Variants in DENND6B observed in about 807,000 individuals in gnomAD.
The protein encoded by DENND6B is protein DENND6B.
DENND6B carries 73 observed loss-of-function variants against 85.1 expected under a neutral mutation model. The ratio of observed to expected loss-of-function variants is 0.86; its 90% CI spans 0.71 to 1.04. The LOEUF is 1.04. Among genes scored for constraint, DENND6B ranks in the 50% least tolerant of loss-of-function variants. The probability of loss-of-function intolerance (pLI) is 0.00; values close to 1 mark genes in which losing one functional copy is unlikely to be tolerated. For synonymous variants in DENND6B, 357 were observed against 329.3 expected (o/e 1.08, Z -0.91); for missense variants, 715 against 785.8 (o/e 0.91, Z 1.08).
chr22:50,311,881 G>A lies in DENND6B; in HGVS notation c.*258C>T, dbSNP rs961421646. On this transcript the variant is annotated 3_prime_UTR_variant, in exon 20 of 20. Transcript: ENST00000413817. ...CCAGCCTGTCCCCGCCCCCGTCCCAGCCTAAGGTCTGCAGAGGCCAGGTGG... is the reference window on the plus strand; with the variant it reads ...CCAGCCTGTCCCCGCCCCCGTCCCAACCTAAGGTCTGCAGAGGCCAGGTGG... 5 of 566,398 alleles carry A rather than the reference G, an allele frequency of 8.8e-6. No individual in the cohort carries two copies. The highest frequency in any genetic ancestry group is 1.5e-5 in the Non-Finnish European group (5 of 329,738). 35.1% of individuals were successfully genotyped at this position (566,398 alleles called of 1,614,324 possible). A position where few individuals can be genotyped will look rare whatever the true frequency, so the allele number is the denominator to read the frequency against.
Position 50,312,102 on chromosome 22 carries a change from G to C in DENND6B, c.*37C>G. ...CACTGGGGAGTGGGAGGCTCAGGCA[G>C]ACCTAGGGCCCTGGGACCGTGGCCC... is the stretch of plus-strand genomic sequence containing the variant. On this transcript the variant is annotated 3_prime_UTR_variant, in exon 20 of 20. Coordinates refer to ENST00000413817, the MANE Select transcript of DENND6B (RefSeq NM_001001794.4). The C allele has an allele frequency of 6.2e-7, 1 of 1,606,432 alleles. No individual in the cohort carries two copies. The highest frequency in any genetic ancestry group is 8.5e-7 in the Non-Finnish European group (1 of 1,176,570).
intron 9 of DENND6B, chr22:50,315,144 T>G: frequency 3.1e-6 from 2 of 653,914 alleles, no homozygotes; most frequent in South Asian, 3.9e-5. Context: ...AATGGGGGAC[T>G]CAACCTGGAC....
intron 1 of DENND6B, among the ~76,000 whole-genome samples, chr22:50,325,615 A>T (rs548006866): frequency 2.6e-4 from 39 of 152,248 alleles, no homozygotes; most frequent in Admixed American, 5.9e-4. Flanking sequence ...GATTACAGGC[A>T]TGAGTCACCG....
Position 50,314,450 on chromosome 22 carries a change from G to A in DENND6B, c.1022C>T (p.Thr341Ile), listed in dbSNP as rs889561245. ...GAGGATGTGGGGCCAGTGCTGGAGT[G>A]TTTTGATAAAGAAAGGGTTTGTGAC... is the stretch of plus-strand genomic sequence containing the variant. ...LGVTNPFFIK[T>I]LQHWPHILRV... is the part of the protein sequence containing the mutation. The change falls in exon 12 of 20, where the codon ACA (threonine) becomes ATA (isoleucine). Residue 341 changes from threonine to isoleucine, a missense_variant. Physicochemically the swap from Thr to Ile is moderately conservative, Grantham distance 89. Coordinates refer to ENST00000413817, the MANE Select transcript of DENND6B (RefSeq NM_001001794.4). The A allele has an allele frequency of 1.9e-6, 3 of 1,565,114 alleles. No individual in the cohort carries two copies. The highest frequency in any genetic ancestry group is 1.7e-4 in the Middle Eastern group (1 of 6,030).
At position 50,313,722 on chromosome 22, in the gene DENND6B, G is replaced by A. The variant is rs1456442163; in HGVS notation, c.1206C>T (p.Gly402=). ...DKALLKRLLK[G]VQKKRPSDVQ... is the part of the protein sequence containing the mutation. The stretch of plus-strand genomic sequence containing the variant: ...CATCTGACGGCCGCTTCTTCTGCAC[G>A]CCCTGCAGGGGAGAGAGGGCCAGGC... The change falls in exon 15 of 20, where the codon GGC becomes GGT. Residue 402 remains glycine, a splice_region_variant and synonymous_variant. Transcript: ENST00000413817. 1.9e-6 allele frequency: 3 copies of A among 1,602,804 alleles called. No individual in the cohort carries two copies. The highest frequency in any genetic ancestry group is 2.7e-5 in the African/African-American group (2 of 74,630).
At chr22:50,313,531 G>T in intron 15 of DENND6B, 32 bp from the exon 16 acceptor site, 2 of 1,537,720 alleles carry the variant, frequency 1.3e-6, no homozygotes, top group Non-Finnish European at 8.8e-7. Flanking sequence ...GTGAGCCCGG[G>T]GACCCATGCC....
In DENND6B at chr22:50,312,128, T is replaced by C. The variant is rs201529369; in HGVS notation, c.*11A>G. 1.9e-4 allele frequency: 300 copies of C among 1,611,676 alleles called. No homozygotes were observed. The highest frequency in any genetic ancestry group is 6.7e-4 in the Middle Eastern group (4 of 5,938). The stretch of plus-strand genomic sequence containing the variant: ...ACCTAGGGCCCTGGGACCGTGGCCC[T>C]TGGCTTTGTTCTAGGGAGGGCACAA... On this transcript the variant is annotated 3_prime_UTR_variant, in exon 20 of 20. Coordinates refer to ENST00000413817, the MANE Select transcript of DENND6B (RefSeq NM_001001794.4).
rs772127145 is a variant in DENND6B, at chr22:50,313,098, T to TG, written c.1357dup (p.Gln453ProfsTer9). On this transcript the variant is annotated frameshift_variant, in exon 17 of 20. Coordinates refer to ENST00000413817, the MANE Select transcript of DENND6B (RefSeq NM_001001794.4). LOFTEE classifies it high-confidence loss of function. Reference sequence around the variant, plus strand: ...GTCATCCTGGCTGAAGGGCTGGATCTGGGGGGGAGTCTGAGAGGGGATGGG... The same window carrying TG: ...GTCATCCTGGCTGAAGGGCTGGATCTGGGGGGGGAGTCTGAGAGGGGATGGG... 10 of 1,553,466 alleles carry TG rather than the reference T, an allele frequency of 6.4e-6. No individual in the cohort carries two copies. The highest frequency in any genetic ancestry group is 1.4e-5 in the African/African-American group (1 of 73,130).
At position 50,311,771 on chromosome 22, in the gene DENND6B, T is replaced by A. The variant is rs554763541; in HGVS notation, c.*368A>T. On this transcript the variant is annotated 3_prime_UTR_variant, in exon 20 of 20. Transcript: ENST00000413817. ...GCAGCCTGTTGGGCTGAGGGAAGCATCACACACAGCGCAGGGGGGTCGGGG... is the reference window on the plus strand; with the variant it reads ...GCAGCCTGTTGGGCTGAGGGAAGCAACACACACAGCGCAGGGGGGTCGGGG... 5 of 273,500 alleles carry A rather than the reference T, an allele frequency of 1.8e-5. No homozygotes were observed. The East Asian group carries it at 4.4e-4, about 24-fold the overall frequency. The allele number at this position is 273,500 out of a possible 1,614,324, so 16.9% of individuals were successfully genotyped here. A position where few individuals can be genotyped will look rare whatever the true frequency, so the allele number is the denominator to read the frequency against.
rs368311127 is a variant in DENND6B at position 50,314,554 on chromosome 22, C to T, written c.977+51G>A. 6.6e-5 allele frequency: 102 copies of T among 1,553,936 alleles called. No individual in the cohort carries two copies. In the African/African-American group the frequency reaches 1.2e-3, roughly 18 times the overall value. ...GAGGTCCAGGGAGGTGCAGGAAGGG[C>T]GAGAGGCAGGGCGGAGCAAGGGCAA... is the stretch of plus-strand genomic sequence containing the variant. On this transcript the variant is annotated intron_variant, in intron 11 of 19. Transcript: ENST00000413817.
intron 8 of DENND6B, 78 bp from the exon 9 acceptor site, chr22:50,315,847 C>T: frequency 6.8e-7 from 1 of 1,475,276 alleles, no homozygotes; most frequent in South Asian, 1.3e-5. Context: ...TGCCTCACAG[C>T]ACAGGGGAAG....
chr22:50,312,061 G>C lies in DENND6B; in HGVS notation c.*78C>G. 2 of 1,554,924 alleles carry C rather than the reference G, an allele frequency of 1.3e-6. No individual in the cohort carries two copies. Among genetic ancestry groups the C allele is most frequent in the Admixed American group, 3.7e-5 (2 of 53,492 alleles). On this transcript the variant is annotated 3_prime_UTR_variant, in exon 20 of 20. Transcript: ENST00000413817. ...GGCCAAGGAAGGGGAGCGTGTGCTT[G>C]GCCCAGTGCCGCCACCACTGGGGAG...
chr22:50,315,571 T>TAC (rs983628389), intron 9 of DENND6B, 143 bp downstream of exon 9: 137 of 993,842 alleles, frequency 1.4e-4, no homozygotes, highest in African/African-American at 1.1e-3. Context: ...GCGCTGGCCA[T>TAC]ACACACACAC....
In DENND6B at chr22:50,326,861, TC is replaced by T; in HGVS notation, c.127del (p.Glu43SerfsTer97). 3 of 1,428,220 alleles carry T rather than the reference TC, an allele frequency of 2.1e-6. No homozygotes were observed. The highest frequency in any genetic ancestry group is 2.7e-6 in the Non-Finnish European group (3 of 1,092,826). 88.5% of individuals were successfully genotyped at this position (1,428,220 alleles called of 1,614,324 possible). On this transcript the variant is annotated frameshift_variant, in exon 1 of 20. Transcript: ENST00000413817. LOFTEE classifies it high-confidence loss of function. ...GTCGAAGGTGACCACGCACACACAC[TC>T]CAGCCAGGCGGAGAAGCGCGCCCAG... ...APWARFSAWLECVCVVTFDLE... is the reference protein window; with the variant it reads ...APWARFSAWLXCVCVVTFDLE...
rs1048484453 is a variant in DENND6B at position 50,319,132 on chromosome 22, A to G, written c.178-129T>C. 7.2e-6 allele frequency: 11 copies of G among 1,537,332 alleles called. No individual in the cohort carries two copies. In the African/African-American group the frequency reaches 1.1e-4, roughly 15 times the overall value. On this transcript the variant is annotated intron_variant, in intron 1 of 19. Coordinates refer to ENST00000413817, the MANE Select transcript of DENND6B (RefSeq NM_001001794.4). ...GTCTGTGGGGCGCAGGTCAGTGCCC[A>G]AGGTGCTGGCTCGCCCCCTGCTCCC...
In DENND6B at chr22:50,317,346, C is replaced by A. The variant is rs747816538; in HGVS notation, c.400G>T (p.Val134Leu). 6.2e-7 allele frequency: 1 copy of A among 1,612,902 alleles called. No homozygotes were observed. The highest frequency in any genetic ancestry group is 1.3e-5 in the African/African-American group (1 of 74,906). ...CTGTCCTTCACCTGCCTGAAGTACACGTAGCCGAAGTAGTGTGCCGGCTCC... is the reference window on the plus strand; with the variant it reads ...CTGTCCTTCACCTGCCTGAAGTACAAGTAGCCGAAGTAGTGTGCCGGCTCC... ...QREPAHYFGY[V>L]YFRQVKDSSV... is the part of the protein sequence containing the mutation. Residue 134 changes from valine (V) to leucine (L), a missense_variant, in exon 5 of 20, where the codon GTG becomes TTG. Physicochemically the swap from Val to Leu is conservative, Grantham distance 32. Coordinates refer to ENST00000413817, the MANE Select transcript of DENND6B (RefSeq NM_001001794.4).
At chr22:50,312,482 C>T (rs937137759) in intron 18 of DENND6B, 41 bp downstream of exon 18, 2 of 1,574,948 alleles carry the variant, frequency 1.3e-6, no homozygotes, top group Non-Finnish European at 8.6e-7. Flanking sequence ...GTGCCCACCC[C>T]CACCATGTTC....
At chr22:50,320,438 G>C (rs1039364628) in intron 1 of DENND6B, among the ~76,000 whole-genome samples, 10 of 152,236 alleles carry the variant, frequency 6.6e-5, no homozygotes, top group Admixed American at 5.2e-4. Context: ...CCATGGTCCT[G>C]CTTTGCCTCT....
Position 50,314,172 on chromosome 22 carries a change from C to T in DENND6B, c.1138+35G>A, listed in dbSNP as rs374419955. ...GCCAGGTACAAGACAGGCCTCTCCA[C>T]GGTGGAGGGGCTCCAGGTCGAGGGG... On this transcript the variant is annotated intron_variant, in intron 13 of 19. Coordinates refer to ENST00000413817, the MANE Select transcript of DENND6B (RefSeq NM_001001794.4). The T allele has an allele frequency of 7.5e-5, 118 of 1,583,806 alleles. No homozygotes were observed. In the African/African-American group the frequency reaches 9.0e-4, roughly 12 times the overall value.
Sources: gnomAD v4.1 joint callset for allele counts (sites outside exome capture counted in the v4.1 genomes callset) on GRCh38, gnomAD v4.1.1 for gene constraint, MANE v1.5 for transcripts, NCBI Gene and HGNC (gene_info 2026-07-23, HGNC 2026-07-21) for gene names.